The following SSBP2 variants were observed in gnomAD, a reference collection of about 807,000 sequenced individuals.
SSBP2 encodes single-stranded DNA-binding protein 2.
A neutral mutation model predicts 61.8 loss-of-function variants in SSBP2; 17 were observed. That is an observed-to-expected ratio of 0.28 (90% CI 0.19 to 0.41). SSBP2 has a LOEUF of 0.41. Among genes scored for constraint, SSBP2 ranks in the 10% least tolerant of loss-of-function variants. The pLI is 1.00. For synonymous variants in SSBP2, 139 were observed against 141.3 expected, an observed-to-expected ratio of 0.98 and a Z score of 0.12; for missense variants, 310 against 458.7, an observed-to-expected ratio of 0.68 and a Z score of 2.96.
intron 4 of SSBP2, among the ~76,000 whole-genome samples, chr5:81,588,196 G>A (rs1305277711): frequency 6.6e-6 from 1 of 151,912 alleles, no homozygotes; most frequent in Admixed American, 6.6e-5. Flanking sequence ...GAACTCCTGG[G>A]CCTCCCAAAG....
intron 13 of SSBP2, among the ~76,000 whole-genome samples, chr5:81,442,223 T>C (rs1763082968): frequency 6.6e-6 from 1 of 152,042 alleles, no homozygotes; most frequent in Non-Finnish European, 1.5e-5. Context: ...ATATTTAAAG[T>C]CTAGATTTCA....
intron 16 of SSBP2, among the ~76,000 whole-genome samples, chr5:81,426,630 C>T (rs2153900101): frequency 6.6e-6 from 1 of 152,290 alleles, no homozygotes; most frequent in East Asian, 1.9e-4. Flanking sequence ...GTGCATAGTC[C>T]ATTAGGGATT....
chr5:81,501,491 G>C (rs1169203821), intron 5 of SSBP2, among the ~76,000 whole-genome samples: 1 of 148,896 alleles, frequency 6.7e-6, no homozygotes, highest in Admixed American at 6.7e-5. Context: ...TTTTTGATAA[G>C]CATCTTACTG....
rs77452130 is a variant in SSBP2 at position 81,517,228 on chromosome 5, T to C, written c.283-3511A>G. Among the ~76,000 whole-genome samples, 1,098 of 152,182 alleles carry C rather than the reference T, an allele frequency of 7.2e-3. 23 individuals are homozygous for C. The highest frequency in any genetic ancestry group is 0.025 in the African/African-American group (1,043 of 41,562). ...CTAAACTGAATATATAAGACTTCAG[T>C]GCAGATATAACAATATTATCATTAA... is the stretch of plus-strand genomic sequence containing the variant. On this transcript the variant is annotated intron_variant, in intron 4 of 16. Coordinates refer to ENST00000320672, the MANE Select transcript of SSBP2 (RefSeq NM_012446.5).
intron 1 of SSBP2, among the ~76,000 whole-genome samples, chr5:81,746,874 A>G (rs1398451517): frequency 1.3e-5 from 2 of 152,096 alleles, no homozygotes; most frequent in South Asian, 2.1e-4. Context: ...TAAAAAATTA[A>G]TATCACTACT....
intron 16 of SSBP2, among the ~76,000 whole-genome samples, chr5:81,421,341 C>T (rs1344279050): frequency 2.6e-5 from 4 of 152,110 alleles, no homozygotes; most frequent in Non-Finnish European, 5.9e-5. Flanking sequence ...TACAGGCACA[C>T]GCCACCATGC....
chr5:81,427,322 T>A (rs957589179), intron 16 of SSBP2, among the ~76,000 whole-genome samples: 2 of 152,080 alleles, frequency 1.3e-5, no homozygotes, highest in African/African-American at 4.8e-5. Context: ...CAGGCTAAAT[T>A]TTTTTTTCAA....
intron 4 of SSBP2, among the ~76,000 whole-genome samples, chr5:81,569,720 A>C (rs1402533684): frequency 6.6e-6 from 1 of 152,200 alleles, no homozygotes; most frequent in African/African-American, 2.4e-5. Flanking sequence ...AAGGCATATC[A>C]GACTGCTTTT....
rs74646006 is a variant in SSBP2 at position 81,532,511 on chromosome 5, T to G, written c.283-18794A>C. On this transcript the variant is annotated intron_variant, in intron 4 of 16. Transcript: ENST00000320672. ...AATACTAAAAAGGACAAAGATTAGA[T>G]AGTATAAATAAATGGAAAACAAAAT... 7.2e-3 allele frequency among the ~76,000 whole-genome samples: 1,096 copies of G among 151,916 alleles called. 23 individuals carry two copies. The highest frequency in any genetic ancestry group is 0.025 in the African/African-American group (1,040 of 41,496).
intron 1 of SSBP2, among the ~76,000 whole-genome samples, chr5:81,726,020 T>G (rs1027961443): frequency 6.6e-6 from 1 of 152,224 alleles, no homozygotes; most frequent in Non-Finnish European, 1.5e-5. Flanking sequence ...TAAAAATATG[T>G]GTGCATAAAA....
At chr5:81,703,818 A>C (rs1754169972) in intron 1 of SSBP2, among the ~76,000 whole-genome samples, 1 of 152,190 alleles carries the variant, frequency 6.6e-6, no homozygotes, top group Non-Finnish European at 1.5e-5. Flanking sequence ...TTAAATGCGC[A>C]GATCCAAAAT....
rs543773373 is a variant in SSBP2 at position 81,596,886 on chromosome 5, C to T, written c.282+18587G>A. Among the ~76,000 whole-genome samples the T allele has an allele frequency of 2.7e-5, 4 of 149,386 alleles. No homozygotes were observed. The East Asian group carries it at 7.9e-4, about 30-fold the overall frequency. On this transcript the variant is annotated intron_variant, in intron 4 of 16. Coordinates refer to ENST00000320672, the MANE Select transcript of SSBP2 (RefSeq NM_012446.5). ...TGTTAGACCTAAAACCATAAAAACC[C>T]TAGAAGAAAACCTAAGCAATACCAT...
intron 1 of SSBP2, among the ~76,000 whole-genome samples, chr5:81,669,359 C>A (rs1476728869): frequency 6.6e-6 from 1 of 152,166 alleles, no homozygotes; most frequent in Non-Finnish European, 1.5e-5. Flanking sequence ...TATGTCCACA[C>A]AAAAACCTGC....
chr5:81,575,305 C>T (rs1774127978), intron 4 of SSBP2, among the ~76,000 whole-genome samples: 1 of 151,964 alleles, frequency 6.6e-6, no homozygotes, highest in East Asian at 1.9e-4. Flanking sequence ...CAGGAAGAAA[C>T]GTTTTCTGTA....
At chr5:81,546,598 T>C (rs982918634) in intron 4 of SSBP2, among the ~76,000 whole-genome samples, 10 of 152,204 alleles carry the variant, frequency 6.6e-5, no homozygotes, top group African/African-American at 1.7e-4. Context: ...AAAGGGAAAA[T>C]ATTTTTCATT....
At chr5:81,586,906 C>T (rs558874244) in intron 4 of SSBP2, among the ~76,000 whole-genome samples, 1 of 151,830 alleles carries the variant, frequency 6.6e-6, no homozygotes, top group African/African-American at 2.4e-5. Context: ...AAATCTTGGG[C>T]GCTCAGTCTC....
chr5:81,458,972 T>C (rs535453905), intron 10 of SSBP2, among the ~76,000 whole-genome samples: 1 of 152,296 alleles, frequency 6.6e-6, no homozygotes, highest in African/African-American at 2.4e-5. Flanking sequence ...TTTTCCCTAT[T>C]CTCATACTTT....
chr5:81,604,894 T>C (rs1230649546), intron 4 of SSBP2, among the ~76,000 whole-genome samples: 12 of 152,138 alleles, frequency 7.9e-5, no homozygotes, highest in Non-Finnish European at 1.8e-4. Flanking sequence ...GAGATAATTT[T>C]AGACAGTATT....
chr5:81,419,703 C>A lies in SSBP2; in HGVS notation c.*801G>T, dbSNP rs1761482205. On this transcript the variant is annotated 3_prime_UTR_variant, in exon 17 of 17. Transcript: ENST00000320672. ...TGATTTCTGTATCATCTAAGACAAA[C>A]AAATCAAGAACTCCGTTTAAAGCAG... 1 of 152,166 alleles carries A rather than the reference C, an allele frequency of 6.6e-6. No homozygotes were observed. Among genetic ancestry groups the A allele is most frequent in the Non-Finnish European group, 1.5e-5 (1 of 68,012 alleles). The allele number at this position is 152,166 out of a possible 1,614,324, so 9.4% of individuals were successfully genotyped here.
Sources: allele counts gnomAD v4.1 joint callset (sites outside exome capture counted in the v4.1 genomes callset), GRCh38; gene constraint gnomAD v4.1.1; transcripts MANE v1.5; gene names NCBI Gene and HGNC (gene_info 2026-07-23, HGNC 2026-07-21).